Variants in FAM149B1 observed in about 807,000 individuals in gnomAD.
FAM149B1 encodes the protein family with sequence similarity 149 member B1.
FAM149B1 carries 56 observed loss-of-function variants against 75.3 expected under a neutral mutation model. The ratio of observed to expected loss-of-function variants is 0.74; its 90% CI spans 0.60 to 0.93. The LOEUF is 0.93. FAM149B1 is among the 40% of genes least tolerant of loss of function. FAM149B1 has a pLI of 0.00. For missense variants in FAM149B1, 639 were observed against 708.4 expected (o/e 0.90, Z 1.11); for synonymous variants, 259 against 256.1 (o/e 1.01, Z -0.11).
In FAM149B1 at chr10:73,239,435, C is replaced by T. The variant is rs992865333; in HGVS notation, c.1675+51C>T. On this transcript the variant is annotated intron_variant, in intron 13 of 13. Transcript: ENST00000242505. ...TTACTACTGTGTGGTTGTGTTAAGA[C>T]CCAGCCTTTGTCTTTTTTCCTACAC... 4.0e-5 allele frequency: 55 copies of T among 1,386,206 alleles called. No individual in the cohort carries two copies. In the Admixed American group the frequency reaches 1.1e-3, roughly 29 times the overall value. The allele number at this position is 1,386,206 out of a possible 1,614,324, so 85.9% of individuals were successfully genotyped here.
chr10:73,172,545 T>A (rs907583237), intron 1 of FAM149B1, among the ~76,000 whole-genome samples: 30 of 152,206 alleles, frequency 2.0e-4, no homozygotes, highest in African/African-American at 5.3e-4. Flanking sequence ...ACCTGGAAGA[T>A]CTCTTGTAAA....
chr10:73,224,683 G>T (rs529378033), intron 7 of FAM149B1, among the ~76,000 whole-genome samples: 2 of 151,972 alleles, frequency 1.3e-5, no homozygotes, highest in African/African-American at 4.8e-5. Flanking sequence ...TGTTGGCCAG[G>T]CTGGTCTCGA....
At chr10:73,226,641 A>G (rs554331352) in intron 7 of FAM149B1, among the ~76,000 whole-genome samples, 3 of 152,312 alleles carry the variant, frequency 2.0e-5, no homozygotes, top group African/African-American at 7.2e-5. Flanking sequence ...ATAAATACTA[A>G]TATCTATTTC....
At chr10:73,203,866 C>G in intron 5 of FAM149B1, among the ~76,000 whole-genome samples, 1 of 152,038 alleles carries the variant, frequency 6.6e-6, no homozygotes, top group East Asian at 1.9e-4. Context: ...GTGTTAAACT[C>G]CTGGGCTCAA....
chr10:73,187,776 TC>T (rs2042566683), intron 3 of FAM149B1, among the ~76,000 whole-genome samples: 1 of 147,170 alleles, frequency 6.8e-6, no homozygotes, highest in Non-Finnish European at 1.5e-5. Flanking sequence ...AAACTTAATA[TC>T]AAAACATTAG....
chr10:73,178,187 T>C (rs1046301390), intron 3 of FAM149B1, among the ~76,000 whole-genome samples: 2 of 152,172 alleles, frequency 1.3e-5, no homozygotes, highest in Non-Finnish European at 2.9e-5. Context: ...ATGCTTAGTG[T>C]TCAATTTAAA....
At chr10:73,198,339 G>C (rs368186681) in intron 5 of FAM149B1, among the ~76,000 whole-genome samples, 3 of 152,182 alleles carry the variant, frequency 2.0e-5, no homozygotes, top group African/African-American at 7.2e-5. Context: ...GGCAACAAAA[G>C]CAAGAACAGA....
intron 1 of FAM149B1, 69 bp from the exon 2 acceptor site, chr10:73,174,618 C>T (rs939491100): frequency 8.5e-7 from 1 of 1,176,222 alleles, no homozygotes; most frequent in Non-Finnish European, 1.2e-6. Context: ...TGACTAACTT[C>T]TAGATTAAAT....
Position 73,235,330 on chromosome 10 carries a change from T to G in FAM149B1, c.1602+12T>G, listed in dbSNP as rs1365729728. On this transcript the variant is annotated intron_variant, in intron 12 of 13. Transcript: ENST00000242505. ...CTCAATCATTTTTGGTAGAGTGACG[T>G]ACTTCCTAGAATGGTCTTGATAGTT... The G allele has an allele frequency of 6.4e-7, 1 of 1,551,622 alleles. No homozygotes were observed. The highest frequency in any genetic ancestry group is 8.7e-7 in the Non-Finnish European group (1 of 1,147,030).
At chr10:73,238,431 A>T (rs1314803551) in intron 12 of FAM149B1, among the ~76,000 whole-genome samples, 2 of 152,222 alleles carry the variant, frequency 1.3e-5, no homozygotes, top group East Asian at 3.8e-4. Context: ...CATCTAGAAT[A>T]GGGGCCAGTA....
chr10:73,231,968 A>T (rs1589192273), intron 9 of FAM149B1, among the ~76,000 whole-genome samples: 1 of 151,036 alleles, frequency 6.6e-6, no homozygotes, highest in African/African-American at 2.4e-5. Context: ...GAGAGGCAGG[A>T]AGACCAGAAC....
chr10:73,233,096 A>G lies in FAM149B1; in HGVS notation c.1285A>G (p.Ile429Val). 1 of 1,551,692 alleles carries G rather than the reference A, an allele frequency of 6.4e-7. No individual in the cohort carries two copies. Among genetic ancestry groups the G allele is most frequent in the Non-Finnish European group, 8.7e-7 (1 of 1,147,002 alleles). The part of the protein sequence containing the change: ...RNPPPRTLHP[I>V]STSHSCAETP... ...TCCACCACCACGAACTCTTCATCCGATCAGCACGAGCCATTCATGTGCTGA... is the reference window on the plus strand; with the variant it reads ...TCCACCACCACGAACTCTTCATCCGGTCAGCACGAGCCATTCATGTGCTGA... Residue 429 changes from isoleucine to valine, a missense_variant, in exon 10 of 14, where the codon ATC (isoleucine) becomes GTC (valine). Ile to Val is a conservative substitution (Grantham distance 29, BLOSUM62 3). Coordinates refer to ENST00000242505, the MANE Select transcript of FAM149B1 (RefSeq NM_173348.2).
At chr10:73,223,206 C>T (rs2043457866) in intron 7 of FAM149B1, among the ~76,000 whole-genome samples, 1 of 140,000 alleles carries the variant, frequency 7.1e-6, no homozygotes, top group Non-Finnish European at 1.5e-5. Flanking sequence ...TGCTTTCTTT[C>T]AGTCAGCTAC....
In FAM149B1 at chr10:73,229,750, AAGG is replaced by A. The variant is rs2043641440; in HGVS notation, c.1024-669_1024-667del. ...CGTTCTGGTCGCTGATGACCTAAGA[AAGG>A]AGAAGAGTTAATTCAAACATTCTGA... On this transcript the variant is annotated intron_variant, in intron 8 of 13. Coordinates refer to ENST00000242505, the MANE Select transcript of FAM149B1 (RefSeq NM_173348.2). 3.3e-5 allele frequency among the ~76,000 whole-genome samples: 5 copies of A among 152,308 alleles called. No individual in the cohort carries two copies. In the South Asian group the frequency reaches 8.3e-4, roughly 25 times the overall value.
At chr10:73,182,244 A>G (rs2042418026) in intron 3 of FAM149B1, among the ~76,000 whole-genome samples, 1 of 116,266 alleles carries the variant, frequency 8.6e-6, no homozygotes, top group Non-Finnish European at 1.7e-5. Flanking sequence ...AATGGAGTTT[A>G]GCTCTTGTAG....
intron 5 of FAM149B1, among the ~76,000 whole-genome samples, chr10:73,199,015 C>G (rs941423444): frequency 2.6e-5 from 4 of 152,082 alleles, no homozygotes; most frequent in African/African-American, 7.2e-5. Context: ...ATGCCTACAC[C>G]TGGAAGGACT....
At chr10:73,190,744 A>G (rs2042663354) in intron 3 of FAM149B1, among the ~76,000 whole-genome samples, 1 of 144,842 alleles carries the variant, frequency 6.9e-6, no homozygotes. Flanking sequence ...TTTTTAAGAG[A>G]TGAGGTCTCA....
In FAM149B1 at chr10:73,192,687, T is replaced by C. The variant is rs1231281596; in HGVS notation, c.414T>C (p.Phe138=). ...QEECQQWTAS[F]PHLRILGRQI... ...AGTGCCAACAGTGGACAGCTAGCTT[T>C]CCTCACCTCAGGTACTGAAGCCCTC... The change falls in exon 4 of 14, where the codon TTT becomes TTC. Residue 138 remains phenylalanine (F), a synonymous_variant. Transcript: ENST00000242505. 6 of 1,546,320 alleles carry C rather than the reference T, an allele frequency of 3.9e-6. No homozygotes were observed. The South Asian group carries it at 7.3e-5, about 19-fold the overall frequency.
chr10:73,193,427 T>C (rs1188694943), intron 4 of FAM149B1, 50 bp from the exon 5 acceptor site: 1 of 1,523,834 alleles, frequency 6.6e-7, no homozygotes, highest in East Asian at 2.5e-5. Flanking sequence ...AGATTTTGTA[T>C]GTATGCCAGT....
Sources: gnomAD v4.1 joint callset for allele counts (sites outside exome capture counted in the v4.1 genomes callset) on GRCh38, gnomAD v4.1.1 for gene constraint, MANE v1.5 for transcripts, NCBI Gene and HGNC (gene_info 2026-07-23, HGNC 2026-07-21) for gene names.